MBNL1: variants seen among roughly 807,000 people sequenced by gnomAD.
MBNL1 encodes the protein muscleblind-like protein 1.
Under a neutral mutation model 42.2 loss-of-function variants are expected in MBNL1, and 8 were observed. The ratio of observed to expected loss-of-function variants is 0.19; its 90% CI spans 0.11 to 0.34. MBNL1 has a LOEUF of 0.34. MBNL1 is among the 10% of genes least tolerant of loss of function. The probability of loss-of-function intolerance (pLI) is 1.00; values close to 1 mark genes in which losing one functional copy is unlikely to be tolerated. For synonymous variants in MBNL1, 169 were observed against 173.9 expected (o/e 0.97, Z 0.22); for missense variants, 309 against 495.3 (o/e 0.62, Z 3.57).
chr3:152,319,614 G>GTCTTTTTT (rs2074972099), intron 2 of MBNL1, among the ~76,000 whole-genome samples: 1 of 80,534 alleles, frequency 1.2e-5, no homozygotes. Flanking sequence ...GTTCTATACT[G>GTCTTTTTT]TTTTTTTTTT....
At chr3:152,396,375 C>T (rs182799518) in intron 2 of MBNL1, among the ~76,000 whole-genome samples, 1 of 152,230 alleles carries the variant, frequency 6.6e-6, no homozygotes, top group African/African-American at 2.4e-5. Context: ...CGAGGCTGAT[C>T]CCTGGTGCCA....
intron 2 of MBNL1, among the ~76,000 whole-genome samples, chr3:152,350,699 C>T (rs1181410060): frequency 6.6e-6 from 1 of 152,058 alleles, no homozygotes; most frequent in Non-Finnish European, 1.5e-5. Flanking sequence ...TCCTGAGAGA[C>T]AGAAATGAAG....
chr3:152,406,687 G>A lies in MBNL1; in HGVS notation c.175-8254G>A, dbSNP rs150195956. ...ATAGTATCCCAGTGTTTGAGTGGGGGTGTGTTGATATTGCGTCAATAGTGA... is the reference window on the plus strand; with the variant it reads ...ATAGTATCCCAGTGTTTGAGTGGGGATGTGTTGATATTGCGTCAATAGTGA... On this transcript the variant is annotated intron_variant, in intron 2 of 9. Transcript: ENST00000324210. Among the ~76,000 whole-genome samples, 250 of 152,286 alleles carry A rather than the reference G, an allele frequency of 1.6e-3. 1 individual carries two copies. The highest frequency in any genetic ancestry group is 2.7e-3 in the Non-Finnish European group (183 of 68,016).
chr3:152,340,868 A>G (rs1480967809), intron 2 of MBNL1: 3 of 1,613,258 alleles, frequency 1.9e-6, no homozygotes, highest in African/African-American at 2.7e-5. Context: ...AAGCCAAGCC[A>G]GTATAAAGGC....
chr3:152,455,565 G>A lies in MBNL1; in HGVS notation c.985G>A (p.Ala329Thr), dbSNP rs1732012839. Residue 329 changes from alanine to threonine, a missense_variant, in exon 7 of 10, where the codon GCT becomes ACT. By Grantham distance (58) the Ala-to-Thr change is moderately conservative. Transcript: ENST00000324210. Reference sequence around the variant, plus strand: ...AGGCTCAATATTGTGCATGACACCCGCTACAAGTGTTGGTAGGTGCCAGCT... The same window carrying A: ...AGGCTCAATATTGTGCATGACACCCACTACAAGTGTTGGTAGGTGCCAGCT... ...PPGSILCMTP[A>T]TSVVPMVHGA... 6.2e-6 allele frequency: 10 copies of A among 1,613,250 alleles called. No homozygotes were observed. Among genetic ancestry groups the A allele is most frequent in the Non-Finnish European group, 6.8e-6 (8 of 1,179,422 alleles).
intron 3 of MBNL1, among the ~76,000 whole-genome samples, chr3:152,432,128 A>G (rs986204299): frequency 1.3e-5 from 2 of 152,244 alleles, no homozygotes. Flanking sequence ...ACCATCAAGT[A>G]AATATACCAA....
intron 2 of MBNL1, among the ~76,000 whole-genome samples, chr3:152,356,604 G>T (rs2095535415): frequency 6.6e-6 from 1 of 152,034 alleles, no homozygotes; most frequent in South Asian, 2.1e-4. Context: ...CTAGTAGCTG[G>T]GATTACACGT....
At chr3:152,257,811 G>C (rs1340762568) in intron 2 of MBNL1, among the ~76,000 whole-genome samples, 2 of 152,130 alleles carry the variant, frequency 1.3e-5, no homozygotes, top group Non-Finnish European at 2.9e-5. Context: ...AAAAATTTTT[G>C]AAATATAGTG....
At chr3:152,333,625 T>C (rs2086986712) in intron 2 of MBNL1, among the ~76,000 whole-genome samples, 1 of 152,220 alleles carries the variant, frequency 6.6e-6, no homozygotes. Context: ...GCCTCAGATT[T>C]ATCAGATATA....
chr3:152,288,472 C>T (rs1392443576), intron 1 of MBNL1, among the ~76,000 whole-genome samples: 1 of 152,056 alleles, frequency 6.6e-6, no homozygotes, highest in South Asian at 2.1e-4. Context: ...TTTGATAATG[C>T]TTTGCATTAT....
At chr3:152,347,509 T>C (rs1038081190) in intron 2 of MBNL1, among the ~76,000 whole-genome samples, 28 of 152,290 alleles carry the variant, frequency 1.8e-4, no homozygotes, top group African/African-American at 6.7e-4. Context: ...TGCTCAAATA[T>C]GTCGACCTTT....
intron 1 of MBNL1, among the ~76,000 whole-genome samples, chr3:152,282,474 G>GT (rs1248286533): frequency 1.3e-5 from 2 of 152,156 alleles, no homozygotes; most frequent in African/African-American, 4.8e-5. Context: ...TGCAGATTCT[G>GT]TTACATTCAC....
chr3:152,415,935 G>A (rs183368263), intron 3 of MBNL1, among the ~76,000 whole-genome samples: 66 of 152,226 alleles, frequency 4.3e-4, no homozygotes, highest in African/African-American at 1.5e-3. Context: ...GTGCTTTGAC[G>A]TTAATTGTGA....
intron 2 of MBNL1, among the ~76,000 whole-genome samples, chr3:152,313,036 T>G (rs1246595963): frequency 1.3e-5 from 2 of 151,964 alleles, no homozygotes; most frequent in East Asian, 3.9e-4. Context: ...CTTTTTTTTT[T>G]TTTTGAGACG....
At chr3:152,401,278 T>G (rs75792587) in intron 2 of MBNL1, among the ~76,000 whole-genome samples, 12,632 of 152,124 alleles carry the variant, frequency 0.083, 672 homozygotes, top group South Asian at 0.16. Flanking sequence ...GCTTGGGAGG[T>G]GCTGAATTCA....
intron 2 of MBNL1, among the ~76,000 whole-genome samples, chr3:152,307,758 T>C (rs937674629): frequency 6.6e-6 from 1 of 152,208 alleles, no homozygotes; most frequent in African/African-American, 2.4e-5. Context: ...CATATGCATA[T>C]TCTAAGGATT....
intron 1 of MBNL1, among the ~76,000 whole-genome samples, chr3:152,285,426 C>T (rs1326930498): frequency 6.6e-6 from 1 of 152,082 alleles, no homozygotes; most frequent in Admixed American, 6.6e-5. Flanking sequence ...AGCCTCGCCT[C>T]AATTTATTTG....
chr3:152,283,140 A>T (rs950299662), intron 1 of MBNL1, among the ~76,000 whole-genome samples: 1 of 152,190 alleles, frequency 6.6e-6, no homozygotes, highest in Non-Finnish European at 1.5e-5. Flanking sequence ...ATTTTAGAGC[A>T]ATCACCAACT....
intron 4 of MBNL1, among the ~76,000 whole-genome samples, chr3:152,443,617 A>G (rs1283249424): frequency 2.0e-5 from 3 of 152,008 alleles, no homozygotes; most frequent in Non-Finnish European, 1.5e-5. Context: ...AGCAAGCTCC[A>G]TAGCTGATGC....
Sources: gnomAD v4.1 joint callset for allele counts (sites outside exome capture counted in the v4.1 genomes callset) on GRCh38, gnomAD v4.1.1 for gene constraint, MANE v1.5 for transcripts, NCBI Gene and HGNC (gene_info 2026-07-23, HGNC 2026-07-21) for gene names.